The following MBD1 variants were observed in gnomAD, a reference collection of about 807,000 sequenced individuals.
MBD1 encodes methyl-CpG-binding domain protein 1.
A neutral mutation model predicts 82.6 loss-of-function variants in MBD1; 25 were observed. The ratio of observed to expected loss-of-function variants is 0.30; its 90% CI spans 0.22 to 0.42. The LOEUF is 0.42. Among genes scored for constraint, MBD1 ranks in the 10% least tolerant of loss-of-function variants. The pLI is 1.00. For synonymous variants in MBD1, 301 were observed against 303.7 expected, an observed-to-expected ratio of 0.99 and a Z score of 0.09; for missense variants, 627 against 819.6, an observed-to-expected ratio of 0.76 and a Z score of 2.87.
chr18:50,273,220 C>T (rs1192477175), intron 13 of MBD1, 114 bp downstream of exon 13: 38 of 1,454,782 alleles, frequency 2.6e-5, no homozygotes, highest in Non-Finnish European at 3.3e-5. Context: ...TCTGCAGAAA[C>T]GTCGCAATCA....
chr18:50,279,718 A>C, intron 2 of MBD1, 165 bp downstream of exon 2: 1 of 927,688 alleles, frequency 1.1e-6, no homozygotes, highest in South Asian at 1.6e-5. Flanking sequence ...TTTAAGTTAC[A>C]AATAAATTTT....
In MBD1 at chr18:50,273,719, G is replaced by A; in HGVS notation, c.1291C>T (p.Gln431Ter). The change falls in exon 12 of 17, where the codon CAA becomes TAA. Residue 431 changes from glutamine (Q) to a stop codon, truncating the protein, a stop_gained. Coordinates refer to ENST00000269468, the MANE Select transcript of MBD1 (RefSeq NM_015846.4). LOFTEE classifies it high-confidence loss of function. ...LKPTLATRTA[Q>*]PDHTQAPTKQ... ...GTTGGAGCCTGGGTATGGTCTGGTT[G>A]GGCTGTGCGTGTAGCCAAGGTGGGC... The A allele has an allele frequency of 6.2e-7, 1 of 1,614,180 alleles. No individual in the cohort carries two copies. Among genetic ancestry groups the A allele is most frequent in the Non-Finnish European group, 8.5e-7 (1 of 1,180,040 alleles).
At chr18:50,280,066 C>T (rs755627613) in intron 1 of MBD1, 49 bp from the exon 2 acceptor site, 1 of 1,532,108 alleles carries the variant, frequency 6.5e-7, no homozygotes, top group Admixed American at 1.9e-5. Context: ...TAGGAAGGGA[C>T]AACACTGTGC....
chr18:50,271,649 A>C lies in MBD1; in HGVS notation c.1779-109T>G, dbSNP rs938121663. On this transcript the variant is annotated intron_variant, in intron 15 of 16. Coordinates refer to ENST00000269468, the MANE Select transcript of MBD1 (RefSeq NM_015846.4). ...CTGTGTCCTCCATCCACTTCCCCTT[A>C]ATTATCCTTTATCTTTTTTTATATC... is the stretch of plus-strand genomic sequence containing the variant. The C allele has an allele frequency of 1.5e-5, 18 of 1,163,196 alleles. 1 individual carries two copies. In the Admixed American group the frequency reaches 2.5e-4, roughly 16 times the overall value. 72.1% of individuals were successfully genotyped at this position (1,163,196 alleles called of 1,614,324 possible). A position where few individuals can be genotyped will look rare whatever the true frequency, so the allele number is the denominator to read the frequency against.
intron 1 of MBD1, among the ~76,000 whole-genome samples, chr18:50,280,781 C>A (rs1346613043): frequency 8.6e-5 from 13 of 152,006 alleles, no homozygotes; most frequent in African/African-American, 3.1e-4. Context: ...TCCTCTACAG[C>A]CAAAAAGTTC....
chr18:50,281,757 A>C (rs1211453691), upstream of MBD1: 1 of 334,348 alleles, frequency 3.0e-6, no homozygotes, highest in African/African-American at 2.1e-5. Flanking sequence ...CTGCCCATCT[A>C]GCTGGCGCAT....
At chr18:50,278,562 A>G (rs1047901927) in intron 2 of MBD1, among the ~76,000 whole-genome samples, 1 of 152,382 alleles carries the variant, frequency 6.6e-6, no homozygotes, top group South Asian at 2.1e-4. Flanking sequence ...ATAACTAAAT[A>G]TAAACAAAAA....
chr18:50,281,334 C>G (rs2040206541), intron 1 of MBD1, 29 bp downstream of exon 1: 4 of 1,062,514 alleles, frequency 3.8e-6, no homozygotes, highest in Non-Finnish European at 5.6e-6. Context: ...CCTGAGCGCT[C>G]TCCACGTCCA....
intron 5 of MBD1, 59 bp downstream of exon 5, chr18:50,276,603 G>C: frequency 6.3e-7 from 1 of 1,581,122 alleles, no homozygotes; most frequent in Non-Finnish European, 8.7e-7. Flanking sequence ...AGCCTAGCAT[G>C]ACACTGGACC....
Position 50,281,432 on chromosome 18 carries a change from A to T in MBD1, c.-95T>A. On this transcript the variant is annotated 5_prime_UTR_variant, in exon 1 of 17. Transcript: ENST00000269468. ...GACCCATGGCGAGGGTCCCTCCTGC[A>T]CCTCCCGCCTCGCCCTCCTCCCCTT... 1.7e-6 allele frequency: 1 copy of T among 592,656 alleles called. No individual in the cohort carries two copies. The highest frequency in any genetic ancestry group is 3.0e-6 in the Non-Finnish European group (1 of 332,406). The allele number at this position is 592,656 out of a possible 1,614,324, so 36.7% of individuals were successfully genotyped here.
chr18:50,272,993 A>G (rs1390575043), intron 13 of MBD1, 38 bp from the exon 14 acceptor site: 2 of 1,613,498 alleles, frequency 1.2e-6, no homozygotes, highest in Non-Finnish European at 1.7e-6. Context: ...TTAGAAGGGC[A>G]GAGTTCACCT....
At position 50,275,662 on chromosome 18, in the gene MBD1, G is replaced by C. The variant is rs780846145; in HGVS notation, c.730C>G (p.Leu244Val). The C allele has an allele frequency of 1.1e-5, 18 of 1,614,120 alleles. No individual in the cohort carries two copies. Among genetic ancestry groups the C allele is most frequent in the Non-Finnish European group, 1.4e-5 (17 of 1,180,046 alleles). The change falls in exon 8 of 17, where the codon CTT becomes GTT. Residue 244 changes from leucine (L) to valine (V), a missense_variant. Leu to Val is a conservative substitution (Grantham distance 32, BLOSUM62 1). This residue lies in a region of MBD1 where 228 missense variants were observed against 318.1 expected (regional missense o/e 0.72). Transcript: ENST00000269468. ...CTGAGACCAGGGCGGGGAGGGCGAA[G>C]GCAGATGGGGCAATGGCCACAATCC... The part of the protein sequence containing the change: ...QEDCGHCPIC[L>V]RPPRPGLRRQ...
chr18:50,276,601 A>T, intron 5 of MBD1, 61 bp downstream of exon 5: 2 of 1,577,182 alleles, frequency 1.3e-6, no homozygotes, highest in South Asian at 1.1e-5. Flanking sequence ...CCAGCCTAGC[A>T]TGACACTGGA....
At chr18:50,277,047 T>C (rs1425989230) in intron 3 of MBD1, 43 bp downstream of exon 3, 2 of 1,613,856 alleles carry the variant, frequency 1.2e-6, no homozygotes, top group Admixed American at 3.3e-5. Flanking sequence ...GGGTGTTGGG[T>C]GGCACATCCA....
chr18:50,272,106 C>T (rs952217272), intron 15 of MBD1, among the ~76,000 whole-genome samples: 4 of 152,122 alleles, frequency 2.6e-5, no homozygotes, highest in African/African-American at 9.7e-5. Flanking sequence ...GAGATCCAGC[C>T]CAAGCCCTTC....
At position 50,273,605 on chromosome 18, in the gene MBD1, C is replaced by G; in HGVS notation, c.1405G>C (p.Val469Leu). Reference protein sequence around the residue: ...LREGASSPVQVPGPVAASTEA... With the variant: ...LREGASSPVQLPGPVAASTEA... ...GTGGAAGCTGCAACAGGGCCCGGCA[C>G]CTGCACAGGACTGCTTGCGCCTTCC... Residue 469 changes from valine to leucine, a missense_variant, in exon 12 of 17, where the codon GTG becomes CTG. Physicochemically the swap from Val to Leu is conservative, Grantham distance 32. This residue lies in a region of MBD1 where 265 missense variants were observed against 278.4 expected (regional missense o/e 0.95). Coordinates refer to ENST00000269468, the MANE Select transcript of MBD1 (RefSeq NM_015846.4). 1 of 1,613,244 alleles carries G rather than the reference C, an allele frequency of 6.2e-7. No homozygotes were observed. The highest frequency in any genetic ancestry group is 8.5e-7 in the Non-Finnish European group (1 of 1,180,014).
chr18:50,269,466 G>GTGCTGGGGCACCAGGCGTTGT lies in MBD1; in HGVS notation c.*364_*384dup. ...CATTGTTTTTACACTTGGAAGGTTG[G>GTGCTGGGGCACCAGGCGTTGT]TGCTGGGGCACCAGGCGTTGTTGCA... On this transcript the variant is annotated 3_prime_UTR_variant, in exon 17 of 17. Coordinates refer to ENST00000269468, the MANE Select transcript of MBD1 (RefSeq NM_015846.4). 1 of 744,792 alleles carries GTGCTGGGGCACCAGGCGTTGT rather than the reference G, an allele frequency of 1.3e-6. No homozygotes were observed. The highest frequency in any genetic ancestry group is 2.3e-6 in the Non-Finnish European group (1 of 433,728). The allele number at this position is 744,792 out of a possible 1,614,324, so 46.1% of individuals were successfully genotyped here.
intron 10 of MBD1, among the ~76,000 whole-genome samples, chr18:50,274,744 C>T (rs1301434369): frequency 2.6e-5 from 4 of 152,240 alleles, no homozygotes; most frequent in Non-Finnish European, 1.5e-5. Context: ...ACTATGCTAG[C>T]TGCTCCTCTG....
chr18:50,279,534 A>G (rs2039393499), intron 2 of MBD1, among the ~76,000 whole-genome samples: 1 of 152,230 alleles, frequency 6.6e-6, no homozygotes. Flanking sequence ...ACCAAAAAGT[A>G]CAAAAATTAG....
Sources: gnomAD v4.1 joint callset for allele counts (sites outside exome capture counted in the v4.1 genomes callset) on GRCh38, gnomAD v4.1.1 for gene constraint, gnomAD v4.1.1 regional missense constraint, MANE v1.5 for transcripts, NCBI Gene and HGNC (gene_info 2026-07-23, HGNC 2026-07-21) for gene names.